The following TMEM117 variants were observed in gnomAD, a reference collection of about 807,000 sequenced individuals.
TMEM117 encodes the protein transmembrane protein 117.
TMEM117 carries 27 observed loss-of-function variants against 52.4 expected under a neutral mutation model. The observed-to-expected ratio is 0.51, with a 90% CI of 0.38 to 0.71. The LOEUF (loss-of-function observed/expected upper bound fraction) is 0.71. TMEM117 is among the 30% of genes least tolerant of loss of function. The pLI, the probability that TMEM117 is intolerant of heterozygous loss-of-function variation, is 0.00. For missense variants in TMEM117, 556 were observed against 630.5 expected (o/e 0.88, Z 1.26); for synonymous variants, 215 against 206.3 (o/e 1.04, Z -0.36).
intron 6 of TMEM117, among the ~76,000 whole-genome samples, chr12:44,360,833 A>T (rs565005687): frequency 6.6e-6 from 1 of 152,166 alleles, no homozygotes; most frequent in Non-Finnish European, 1.5e-5. Flanking sequence ...CTGAAGTCAC[A>T]TACCCCTTTT....
intron 6 of TMEM117, among the ~76,000 whole-genome samples, chr12:44,376,097 G>A (rs964842839): frequency 6.6e-6 from 1 of 152,170 alleles, no homozygotes; most frequent in African/African-American, 2.4e-5. Context: ...CCGGATGGTT[G>A]CCAGTAGACA....
At chr12:43,823,003 AG>A in the TMEM117 span, among the ~76,000 whole-genome samples, 1 of 152,222 alleles carries the variant, frequency 6.6e-6, no homozygotes, top group East Asian at 1.9e-4. Flanking sequence ...TGGAACCCAC[AG>A]TACACGTTTA....
At chr12:44,151,990 CATTATT>C (rs201405059) in intron 4 of TMEM117, among the ~76,000 whole-genome samples, 4 of 112,856 alleles carry the variant, frequency 3.5e-5, no homozygotes, top group African/African-American at 1.4e-4. Flanking sequence ...TATATATAAA[CATTATT>C]ATAAATATAA....
chr12:44,044,245 G>T (rs1040696688), intron 3 of TMEM117, among the ~76,000 whole-genome samples: 6 of 152,190 alleles, frequency 3.9e-5, no homozygotes, highest in Non-Finnish European at 8.8e-5. Context: ...GCTGTTTGGA[G>T]CCTTTGGCAG....
intron 3 of TMEM117, among the ~76,000 whole-genome samples, chr12:44,114,084 C>G (rs1239821772): frequency 1.3e-5 from 2 of 148,710 alleles, no homozygotes; most frequent in Admixed American, 1.3e-4. Context: ...GGTGCGCACA[C>G]ACACTGGCCT....
At chr12:44,236,076 T>G (rs539017889) in intron 5 of TMEM117, among the ~76,000 whole-genome samples, 3 of 151,936 alleles carry the variant, frequency 2.0e-5, no homozygotes, top group Non-Finnish European at 4.4e-5. Context: ...GTGAATTTTC[T>G]GAAAATTTTA....
chr12:44,201,830 C>G (rs1380185517), intron 4 of TMEM117, among the ~76,000 whole-genome samples: 1 of 151,860 alleles, frequency 6.6e-6, no homozygotes, highest in Non-Finnish European at 1.5e-5. Context: ...TACATAACAC[C>G]CAATTATAAA....
At position 43,898,547 on chromosome 12, in the gene TMEM117, C is replaced by A. The variant is rs550893056; in HGVS notation, c.278-45663C>A. ...CTGTGGGATGGGAGGCTGTTTTCATCTCATCTGTAATCCACTTTAGATATC... is the reference window on the plus strand; with the variant it reads ...CTGTGGGATGGGAGGCTGTTTTCATATCATCTGTAATCCACTTTAGATATC... On this transcript the variant is annotated intron_variant, in intron 2 of 7. Transcript: ENST00000266534. 9.9e-4 allele frequency among the ~76,000 whole-genome samples: 151 copies of A among 152,060 alleles called. 3 individuals are homozygous for A. The highest frequency in any genetic ancestry group is 3.4e-3 in the African/African-American group (141 of 41,502).
intron 5 of TMEM117, among the ~76,000 whole-genome samples, chr12:44,269,994 G>A (rs1714284502): frequency 6.6e-6 from 1 of 151,914 alleles, no homozygotes; most frequent in Admixed American, 6.6e-5. Flanking sequence ...GAAACGACCT[G>A]GAAAAAGAAG....
intron 2 of TMEM117, among the ~76,000 whole-genome samples, chr12:43,909,557 G>C (rs1160985633): frequency 6.8e-6 from 1 of 147,620 alleles, no homozygotes; most frequent in Admixed American, 6.8e-5. Flanking sequence ...ATGAATCCAG[G>C]AGCTGGTTTT....
At chr12:44,259,422 G>A (rs931717207) in intron 5 of TMEM117, among the ~76,000 whole-genome samples, 3 of 152,086 alleles carry the variant, frequency 2.0e-5, no homozygotes, top group Admixed American at 6.6e-5. Flanking sequence ...TCAAAGCAAA[G>A]TTTGTCAGTC....
chr12:43,946,991 C>T (rs1215207081), intron 3 of TMEM117, among the ~76,000 whole-genome samples: 1 of 152,174 alleles, frequency 6.6e-6, no homozygotes. Context: ...AAAGGTGCCA[C>T]ATTTTAGAAA....
intron 5 of TMEM117, among the ~76,000 whole-genome samples, chr12:44,282,254 A>G (rs1296617818): frequency 6.6e-6 from 1 of 152,126 alleles, no homozygotes; most frequent in African/African-American, 2.4e-5. Flanking sequence ...AATACAGTAA[A>G]TTGGTACCAT....
chr12:44,134,114 A>G (rs936721977), intron 3 of TMEM117, among the ~76,000 whole-genome samples: 1 of 152,178 alleles, frequency 6.6e-6, no homozygotes, highest in Non-Finnish European at 1.5e-5. Flanking sequence ...CTTTTCATCT[A>G]TTCAGTCCAC....
At chr12:44,083,405 T>G (rs1947515717) in intron 3 of TMEM117, among the ~76,000 whole-genome samples, 1 of 146,244 alleles carries the variant, frequency 6.8e-6, no homozygotes, top group Non-Finnish European at 1.5e-5. Context: ...TTTTTTTTTT[T>G]TTTTTTTTTT....
At chr12:44,115,655 A>G (rs965185801) in intron 3 of TMEM117, among the ~76,000 whole-genome samples, 12 of 152,130 alleles carry the variant, frequency 7.9e-5, no homozygotes, top group African/African-American at 2.9e-4. Context: ...CTGTTTCTAC[A>G]ATTTTCAAGC....
chr12:44,194,450 AC>A (rs1298848455), intron 4 of TMEM117, among the ~76,000 whole-genome samples: 1 of 152,186 alleles, frequency 6.6e-6, no homozygotes, highest in Non-Finnish European at 1.5e-5. Context: ...TTTTAGGACA[AC>A]TTCCTAGTGA....
At chr12:44,200,767 AG>A (rs1205983337) in intron 4 of TMEM117, among the ~76,000 whole-genome samples, 1 of 152,170 alleles carries the variant, frequency 6.6e-6, no homozygotes, top group Non-Finnish European at 1.5e-5. Flanking sequence ...TACTGATCAA[AG>A]GCAAAGTTGG....
intron 2 of TMEM117, among the ~76,000 whole-genome samples, chr12:43,888,159 C>A (rs1187597650): frequency 1.3e-5 from 2 of 152,186 alleles, no homozygotes; most frequent in Non-Finnish European, 2.9e-5. Flanking sequence ...CTCCGAACAT[C>A]ACCAGTTTCA....
Sources: gnomAD v4.1 joint callset for allele counts (sites outside exome capture counted in the v4.1 genomes callset) on GRCh38, gnomAD v4.1.1 for gene constraint, MANE v1.5 for transcripts, NCBI Gene and HGNC (gene_info 2026-07-23, HGNC 2026-07-21) for gene names.